The following SEMA3A variants were observed in gnomAD, a reference collection of about 807,000 sequenced individuals.
SEMA3A encodes semaphorin-3A.
SEMA3A carries 29 observed loss-of-function variants against 97.9 expected under a neutral mutation model. That is an observed-to-expected ratio of 0.30 (90% CI 0.22 to 0.40). SEMA3A has a LOEUF of 0.40. Ranked by LOEUF, SEMA3A falls within the 10% of genes least tolerant of loss-of-function variation. The probability of loss-of-function intolerance (pLI) is 1.00; values close to 1 mark genes in which losing one functional copy is unlikely to be tolerated. For synonymous variants in SEMA3A, 321 were observed against 323.7 expected (o/e 0.99, Z 0.09); for missense variants, 763 against 951.3 (o/e 0.80, Z 2.60).
Position 84,332,796 on chromosome 7 carries a change from T to C in SEMA3A, c.-168-25504A>G, listed in dbSNP as rs1584245866. Among the ~76,000 whole-genome samples the C allele has an allele frequency of 2.0e-5, 3 of 152,272 alleles. No individual in the cohort carries two copies. The South Asian group carries it at 6.2e-4, about 32-fold the overall frequency. Reference sequence around the variant, plus strand: ...AGTAAATATTTACAGTTCTTGACTATATTAAAACATTGAGTACCTTTATTA... The same window carrying C: ...AGTAAATATTTACAGTTCTTGACTACATTAAAACATTGAGTACCTTTATTA... On this transcript the variant is annotated intron_variant, in intron 2 of 3. Transcript: ENST00000424555.
chr7:84,387,444 A>G (rs573478262), intron 1 of SEMA3A, among the ~76,000 whole-genome samples: 2 of 152,300 alleles, frequency 1.3e-5, no homozygotes, highest in Admixed American at 1.3e-4. Flanking sequence ...ATGGTGAAGG[A>G]GAGGTGAAAA....
At chr7:84,352,870 C>A (rs612774) in intron 2 of SEMA3A, among the ~76,000 whole-genome samples, 94,187 of 151,554 alleles carry the variant, frequency 0.62, 30,716 homozygotes, top group African/African-American at 0.82. Flanking sequence ...GAGATCAAAT[C>A]AAGAAACTGA....
intron 3 of SEMA3A, among the ~76,000 whole-genome samples, chr7:84,255,219 C>G (rs1024778508): frequency 2.0e-5 from 3 of 152,106 alleles, no homozygotes; most frequent in African/African-American, 7.2e-5. Context: ...TTTTATTGAG[C>G]ACTGATCACA....
At chr7:84,255,483 G>A (rs1028354689) in intron 3 of SEMA3A, among the ~76,000 whole-genome samples, 1 of 152,038 alleles carries the variant, frequency 6.6e-6, no homozygotes, top group Non-Finnish European at 1.5e-5. Context: ...AAATGGACAG[G>A]AACACATCTG....
At chr7:84,205,500 A>G (rs1313126948) in intron 3 of SEMA3A, among the ~76,000 whole-genome samples, 1 of 152,224 alleles carries the variant, frequency 6.6e-6, no homozygotes, top group Non-Finnish European at 1.5e-5. Context: ...TGACAAAAAT[A>G]TCATTTAAAT....
rs752800188 is a variant in SEMA3A, at chr7:83,961,810, T to C, written c.1877A>G (p.His626Arg). Residue 626 changes from histidine to arginine, a missense_variant, in exon 17 of 17, where the codon CAT (histidine) becomes CGT (arginine). Physicochemically the swap from His to Arg is conservative, Grantham distance 29. Around this residue, in one of 2 missense-constraint regions of SEMA3A, gnomAD observed 678 missense variants for 881.3 expected, o/e 0.77. Transcript: ENST00000265362. ...ERKEEIRVDD[H>R]IIRTDQGLLL... The stretch of plus-strand genomic sequence containing the variant: ...AAGGCCTTGATCTGTCCTGATGATA[T>C]GATCATCCACTCTGATCTAGCAGGT... 2.5e-6 allele frequency: 4 copies of C among 1,611,740 alleles called. No homozygotes were observed. The highest frequency in any genetic ancestry group is 4.5e-5 in the East Asian group (2 of 44,856).
At chr7:84,340,852 A>AAT (rs1183980941) in intron 2 of SEMA3A, among the ~76,000 whole-genome samples, 2 of 151,744 alleles carry the variant, frequency 1.3e-5, no homozygotes, top group African/African-American at 4.8e-5. Context: ...TATACCTTTT[A>AAT]ATATATATAC....
intron 1 of SEMA3A, among the ~76,000 whole-genome samples, chr7:84,148,632 T>G (rs992293013): frequency 7.2e-5 from 11 of 152,164 alleles, no homozygotes; most frequent in South Asian, 4.1e-4. Flanking sequence ...TATTATAACT[T>G]TTCTAAGTTG....
chr7:84,285,766 C>A (rs552070894), intron 3 of SEMA3A, among the ~76,000 whole-genome samples: 59 of 151,896 alleles, frequency 3.9e-4, no homozygotes, highest in African/African-American at 1.4e-3. Context: ...CATAGTGAAA[C>A]CTAGTCTCTA....
chr7:84,415,414 G>T (rs1353381796), intron 1 of SEMA3A, among the ~76,000 whole-genome samples: 1 of 152,014 alleles, frequency 6.6e-6, no homozygotes, highest in African/African-American at 2.4e-5. Context: ...CAAAGTTAAA[G>T]TTCTTGTGTG....
chr7:84,240,159 T>C (rs988538713), intron 3 of SEMA3A, among the ~76,000 whole-genome samples: 13 of 151,708 alleles, frequency 8.6e-5, no homozygotes, highest in African/African-American at 2.9e-4. Flanking sequence ...AAATGGAGAG[T>C]AAAGATGGGA....
At chr7:84,195,024 A>AGAGAGAGAAAGAGAGAGAGAGAGAGAG (rs1798179833), upstream of SEMA3A, 2 of 140,566 alleles carry the variant, frequency 1.4e-5, no homozygotes, top group African/African-American at 5.4e-5. Flanking sequence ...GAGAGAGAGA[A>AGAGAGAGAAAGAGAGAGAGAGAGAGAG]AGAGAGAGAG....
At chr7:84,183,382 A>G (rs1282970024) in intron 1 of SEMA3A, among the ~76,000 whole-genome samples, 1 of 152,192 alleles carries the variant, frequency 6.6e-6, no homozygotes, top group Non-Finnish European at 1.5e-5. Flanking sequence ...GTACTTGGAT[A>G]CTATAAGCAG....
intron 3 of SEMA3A, among the ~76,000 whole-genome samples, chr7:84,206,897 T>A (rs959558573): frequency 1.3e-5 from 2 of 152,192 alleles, no homozygotes; most frequent in Non-Finnish European, 2.9e-5. Context: ...TTACATATTA[T>A]AGTAAATATC....
At chr7:83,964,021 C>T (rs1742576437) in intron 15 of SEMA3A, among the ~76,000 whole-genome samples, 1 of 152,100 alleles carries the variant, frequency 6.6e-6, no homozygotes, top group African/African-American at 2.4e-5. Flanking sequence ...TTTAAAATGA[C>T]ACATCTTTCA....
At chr7:84,161,593 A>G (rs1797036334) in intron 1 of SEMA3A, among the ~76,000 whole-genome samples, 1 of 152,156 alleles carries the variant, frequency 6.6e-6, no homozygotes, top group Non-Finnish European at 1.5e-5. Flanking sequence ...GATGTGTGAA[A>G]TGATTTCATT....
intron 2 of SEMA3A, among the ~76,000 whole-genome samples, chr7:84,334,961 T>C (rs1477681438): frequency 6.6e-6 from 1 of 152,118 alleles, no homozygotes; most frequent in Admixed American, 6.6e-5. Flanking sequence ...ATAATGATTT[T>C]ATCTTGACAT....
chr7:84,252,670 C>T (rs1799634708), intron 3 of SEMA3A, among the ~76,000 whole-genome samples: 1 of 152,082 alleles, frequency 6.6e-6, no homozygotes, highest in Non-Finnish European at 1.5e-5. Flanking sequence ...ATATTAAAAG[C>T]TTCCGCTATA....
At chr7:84,408,281 C>G (rs561550588) in intron 1 of SEMA3A, among the ~76,000 whole-genome samples, 1 of 152,254 alleles carries the variant, frequency 6.6e-6, no homozygotes, top group East Asian at 1.9e-4. Context: ...AGCCAAAAAC[C>G]ACATGAAAAA....
Sources: allele counts gnomAD v4.1 joint callset (sites outside exome capture counted in the v4.1 genomes callset), GRCh38; gene constraint gnomAD v4.1.1; regional missense constraint gnomAD v4.1.1; transcripts MANE v1.5; gene names NCBI Gene and HGNC (gene_info 2026-07-23, HGNC 2026-07-21).